Variants in TTLL6 observed in about 807,000 individuals in gnomAD.
TTLL6 encodes tubulin polyglutamylase TTLL6.
A neutral mutation model predicts 96.4 loss-of-function variants in TTLL6; 75 were observed. The observed-to-expected ratio is 0.78, with a 90% CI of 0.65 to 0.94. The LOEUF is 0.94. Among genes scored for constraint, TTLL6 ranks in the 40% least tolerant of loss-of-function variants. TTLL6 has a pLI of 0.00. For synonymous variants in TTLL6, 411 were observed against 419.4 expected (o/e 0.98, Z 0.24); for missense variants, 1,030 against 1,093.0 (o/e 0.94, Z 0.81).
chr17:48,803,675 T>G (rs923961744), intron 3 of TTLL6, among the ~76,000 whole-genome samples: 2 of 152,214 alleles, frequency 1.3e-5, no homozygotes, highest in Non-Finnish European at 1.5e-5. Flanking sequence ...GAATTACAGA[T>G]AGTTGAAGTA....
intron 13 of TTLL6, among the ~76,000 whole-genome samples, chr17:48,779,376 A>AAAAAAAAAC: frequency 6.6e-6 from 1 of 151,132 alleles, no homozygotes; most frequent in African/African-American, 2.4e-5. Context: ...AAAAAAAAAA[A>AAAAAAAAAC]AAGACAGATA....
intron 13 of TTLL6, among the ~76,000 whole-genome samples, chr17:48,770,510 GTTATTA>G (rs145832180): frequency 2.7e-5 from 4 of 147,814 alleles, no homozygotes; most frequent in African/African-American, 7.5e-5. Context: ...TATTGTTGTT[GTTATTA>G]TTATTATTAT....
In TTLL6 at chr17:48,799,627, T is replaced by A. The variant is rs2039375672; in HGVS notation, c.745A>T (p.Ile249Phe). ...VKEIKPGEDMICQLYISKPFI... is the reference protein window; with the variant it reads ...VKEIKPGEDMFCQLYISKPFI... ...ACCTTTGAAATATACAGCTGACAGA[T>A]CATATCCTCCCCTGGTTTGATTTCT... Residue 249 changes from isoleucine to phenylalanine, a missense_variant, in exon 6 of 16, where the codon ATC becomes TTC. Coordinates refer to ENST00000393382, the MANE Select transcript of TTLL6 (RefSeq NM_001130918.3). 25 of 1,551,958 alleles carry A rather than the reference T, an allele frequency of 1.6e-5. No individual in the cohort carries two copies. The highest frequency in any genetic ancestry group is 2.2e-5 in the Non-Finnish European group (25 of 1,147,060).
At chr17:48,808,322 T>A (rs2039534096) in intron 1 of TTLL6, among the ~76,000 whole-genome samples, 2 of 152,168 alleles carry the variant, frequency 1.3e-5, no homozygotes, top group South Asian at 2.1e-4. Context: ...TTTCTTAATA[T>A]CCTGATATTA....
Position 48,817,037 on chromosome 17 carries a change from C to T in TTLL6, c.36G>A (p.Gly12=). 6.5e-7 allele frequency: 1 copy of T among 1,544,064 alleles called. No individual in the cohort carries two copies. The highest frequency in any genetic ancestry group is 8.7e-7 in the Non-Finnish European group (1 of 1,145,524). The change falls in exon 1 of 16, where the codon GGG becomes GGA. Residue 12 remains glycine, a synonymous_variant. Transcript: ENST00000393382. ...GALLLHPSRR[G]PAGVVASWTS... is the part of the protein sequence containing the mutation. ...TCCAGCTTGCAACCACACCTGCCGG[C>T]CCCCTCCTCGAAGGATGAAGGAGTA...
chr17:48,801,619 C>A lies in TTLL6; in HGVS notation c.386G>T (p.Gly129Val), dbSNP rs770592075. ...ESVRRAAQQY[G>V]FREGGEDDDW... The stretch of plus-strand genomic sequence containing the variant: ...ATCGTCTTCCCCTCCCTCTCTAAAG[C>A]CGTACTGTTGGGCAGCCCTGCGCAC... Residue 129 changes from glycine (G) to valine (V), a missense_variant, in exon 4 of 16, where the codon GGC becomes GTC. Coordinates refer to ENST00000393382, the MANE Select transcript of TTLL6 (RefSeq NM_001130918.3). 2.6e-6 allele frequency: 4 copies of A among 1,551,728 alleles called. No homozygotes were observed. The highest frequency in any genetic ancestry group is 3.5e-6 in the Non-Finnish European group (4 of 1,147,002).
At position 48,770,185 on chromosome 17, in the gene TTLL6, C is replaced by G. The variant is rs1467132701; in HGVS notation, c.2041-88G>C. 2.0e-6 allele frequency: 3 copies of G among 1,479,746 alleles called. No individual in the cohort carries two copies. In the African/African-American group the frequency reaches 4.2e-5, roughly 21 times the overall value. The allele number at this position is 1,479,746 out of a possible 1,614,324, so 91.7% of individuals were successfully genotyped here. On this transcript the variant is annotated intron_variant, in intron 13 of 15. Transcript: ENST00000393382. ...TTTTTTTTATTTTTATTTTTTGAGA[C>G]AAGGTCTTGCTATGCTGCCCAGGCT...
intron 11 of TTLL6, among the ~76,000 whole-genome samples, chr17:48,786,651 T>A (rs1462770692): frequency 6.6e-6 from 1 of 152,136 alleles, no homozygotes; most frequent in Admixed American, 6.6e-5. Flanking sequence ...CCATGGCAGG[T>A]GCTGGGGAGA....
chr17:48,801,426 G>A (rs1186351252), intron 4 of TTLL6, 41 bp from the exon 5 acceptor site: 3 of 1,551,298 alleles, frequency 1.9e-6, no homozygotes, highest in South Asian at 2.4e-5. Flanking sequence ...CGAGGGACAT[G>A]GGAGTACTAC....
rs138093031 is a variant in TTLL6, at chr17:48,800,680, G to A, written c.611+575C>T. Among the ~76,000 whole-genome samples, 16 of 152,158 alleles carry A rather than the reference G, an allele frequency of 1.1e-4. No homozygotes were observed. The East Asian group carries it at 3.1e-3, about 29-fold the overall frequency. On this transcript the variant is annotated intron_variant, in intron 5 of 15. Transcript: ENST00000393382. Reference sequence around the variant, plus strand: ...GATGGTGACAGTGTTCTACCCCTCTGCCCTGTCTCAGCCACCAGATTGCAC... The same window carrying A: ...GATGGTGACAGTGTTCTACCCCTCTACCCTGTCTCAGCCACCAGATTGCAC...
At chr17:48,804,522 T>C (rs1226223049) in intron 2 of TTLL6, 4 of 640,586 alleles carry the variant, frequency 6.2e-6, no homozygotes, top group South Asian at 6.0e-5. Flanking sequence ...TTTAAAGGCA[T>C]CCTAAACACA....
At position 48,769,068 on chromosome 17, in the gene TTLL6, A is replaced by G. The variant is rs143285858; in HGVS notation, c.2597T>C (p.Met866Thr). Residue 866 changes from methionine to threonine, a missense_variant, in exon 15 of 16, where the codon ATG becomes ACG. Physicochemically the swap from Met to Thr is moderately conservative, Grantham distance 81 (BLOSUM62 -1). Transcript: ENST00000393382. The part of the protein sequence containing the change: ...PRPCRSHASA[M>T]RDPCMQDQEA... ...TTGATCCTGCATACATGGGTCCCTC[A>G]TAGCACTTGCGTGGCTTCTACAAGG... 2.4e-4 allele frequency: 387 copies of G among 1,614,166 alleles called. No homozygotes were observed. The highest frequency in any genetic ancestry group is 3.0e-4 in the Non-Finnish European group (355 of 1,180,014).
At chr17:48,796,984 T>G (rs2039326779) in intron 7 of TTLL6, 77 bp downstream of exon 7, 1 of 1,422,252 alleles carries the variant, frequency 7.0e-7, no homozygotes, top group Non-Finnish European at 9.4e-7. Flanking sequence ...GTCTTGAGGA[T>G]GTGGATTTAA....
Position 48,804,765 on chromosome 17 carries a change from T to A in TTLL6, c.323+7A>T, listed in dbSNP as rs977813260. 1 of 1,551,808 alleles carries A rather than the reference T, an allele frequency of 6.4e-7. No homozygotes were observed. Among genetic ancestry groups the A allele is most frequent in the Admixed American group, 2.0e-5 (1 of 50,978 alleles). ...TGGCTCCCCATTCCCCAGCTTTCAA[T>A]CCTAACCTCTTTTTCTTCCTCTTCT... On this transcript the variant is annotated splice_region_variant and intron_variant, in intron 2 of 15. Coordinates refer to ENST00000393382, the MANE Select transcript of TTLL6 (RefSeq NM_001130918.3).
At chr17:48,768,898 C>T (rs914990333) in intron 15 of TTLL6, 91 bp downstream of exon 15, 1 of 1,329,446 alleles carries the variant, frequency 7.5e-7, no homozygotes, top group African/African-American at 1.5e-5. Flanking sequence ...CTTTATCAAT[C>T]CATCCATCCT....
chr17:48,791,738 G>A, intron 8 of TTLL6, 135 bp from the exon 9 acceptor site: 1 of 695,032 alleles, frequency 1.4e-6, no homozygotes, highest in Non-Finnish European at 2.4e-6. Context: ...AGGAACCAGG[G>A]TGACACCTGG....
intron 11 of TTLL6, among the ~76,000 whole-genome samples, chr17:48,786,571 A>G (rs2039100325): frequency 6.6e-6 from 1 of 152,234 alleles, no homozygotes; most frequent in Non-Finnish European, 1.5e-5. Flanking sequence ...AGAGATGTGC[A>G]GTAAGGGGGC....
At chr17:48,791,309 C>A in intron 9 of TTLL6, 69 bp downstream of exon 9, 1 of 1,383,280 alleles carries the variant, frequency 7.2e-7, no homozygotes, top group Non-Finnish European at 1.0e-6. Flanking sequence ...GCCAGGAGGG[C>A]GGAATCCTTG....
intron 10 of TTLL6, among the ~76,000 whole-genome samples, chr17:48,788,769 A>C (rs562078692): frequency 1.3e-5 from 2 of 152,274 alleles, no homozygotes; most frequent in African/African-American, 4.8e-5. Flanking sequence ...ACAAGGCCAC[A>C]CAGCACTCCA....
Sources: allele counts gnomAD v4.1 joint callset (sites outside exome capture counted in the v4.1 genomes callset), GRCh38; gene constraint gnomAD v4.1.1; transcripts MANE v1.5; gene names NCBI Gene and HGNC (gene_info 2026-07-23, HGNC 2026-07-21).